Variants in SFMBT2 observed in about 807,000 individuals in gnomAD.
SFMBT2 encodes the protein Scm like with four mbt domains 2.
In SFMBT2, 38 loss-of-function variants were observed where a neutral mutation model predicts 110.1. That is an observed-to-expected ratio of 0.35 (90% CI 0.27 to 0.45). SFMBT2 has a LOEUF of 0.45. Among genes scored for constraint, SFMBT2 ranks in the 20% least tolerant of loss-of-function variants. The pLI is 1.00. For missense variants in SFMBT2, 1,011 were observed against 1,094.9 expected (o/e 0.92, Z 1.08); for synonymous variants, 425 against 425.4 (o/e 1.00, Z 0.01).
At chr10:7,411,065 CTTTTTTTTTTTTTT>C (rs766788794), upstream of SFMBT2, among the ~76,000 whole-genome samples, 3 of 53,890 alleles carry the variant, frequency 5.6e-5, no homozygotes, top group African/African-American at 9.0e-5. Context: ...GCTCGGCGCT[CTTTTTTTTTTTTTT>C]TTTTTTTTTT....
chr10:7,303,331 A>AT (rs1842606015), intron 4 of SFMBT2, among the ~76,000 whole-genome samples: 1 of 152,264 alleles, frequency 6.6e-6, no homozygotes, highest in Non-Finnish European at 1.5e-5. Context: ...ATAGTTGTTT[A>AT]ACAAAACAAA....
At chr10:7,289,821 C>G (rs753576546) in intron 4 of SFMBT2, among the ~76,000 whole-genome samples, 14 of 152,196 alleles carry the variant, frequency 9.2e-5, no homozygotes, top group Admixed American at 2.0e-4. Context: ...ACCTTAACCA[C>G]TGATTAATTC....
chr10:7,215,487 T>C, intron 11 of SFMBT2: 4 of 869,344 alleles, frequency 4.6e-6, no homozygotes, highest in Non-Finnish European at 5.5e-6. Context: ...GATTAATTAA[T>C]GTTGCAATCA....
chr10:7,206,837 A>C (rs140666421), intron 11 of SFMBT2: 1 of 978,682 alleles, frequency 1.0e-6, no homozygotes, highest in African/African-American at 1.7e-5. Flanking sequence ...TGAACCAGGA[A>C]TCAAGAGATC....
chr10:7,365,477 G>A (rs1220122380), intron 4 of SFMBT2, among the ~76,000 whole-genome samples: 2 of 152,216 alleles, frequency 1.3e-5, no homozygotes, highest in Non-Finnish European at 2.9e-5. Flanking sequence ...TAGAGCTGGT[G>A]TACACAGACG....
chr10:7,228,735 CCTTTCT>C (rs1214466239), intron 9 of SFMBT2, among the ~76,000 whole-genome samples: 3 of 36,594 alleles, frequency 8.2e-5, no homozygotes, highest in South Asian at 1.1e-3. Flanking sequence ...TTCTTTCTTT[CCTTTCT>C]CTCTCTCTCT....
chr10:7,266,462 C>A (rs1841395885), intron 7 of SFMBT2, among the ~76,000 whole-genome samples: 1 of 152,158 alleles, frequency 6.6e-6, no homozygotes, highest in African/African-American at 2.4e-5. Flanking sequence ...TGGGGGTGAC[C>A]TTCCAGGCAG....
chr10:7,397,970 T>C (rs1845974050), intron 1 of SFMBT2, among the ~76,000 whole-genome samples: 1 of 152,238 alleles, frequency 6.6e-6, no homozygotes, highest in Non-Finnish European at 1.5e-5. Flanking sequence ...CACCTTGCCA[T>C]CCGCCATATG....
chr10:7,216,535 T>C (rs888869040), intron 11 of SFMBT2, among the ~76,000 whole-genome samples: 1 of 152,222 alleles, frequency 6.6e-6, no homozygotes, highest in African/African-American at 2.4e-5. Context: ...CTTGAGTATG[T>C]CTTCATCAGC....
intron 4 of SFMBT2, among the ~76,000 whole-genome samples, chr10:7,309,380 C>T (rs990342691): frequency 2.0e-5 from 3 of 152,194 alleles, no homozygotes; most frequent in Non-Finnish European, 4.4e-5. Context: ...AGGTCTGCTG[C>T]CTCTCAGTTA....
intron 7 of SFMBT2, among the ~76,000 whole-genome samples, chr10:7,257,338 C>T (rs1190519598): frequency 2.6e-5 from 4 of 152,184 alleles, no homozygotes; most frequent in Non-Finnish European, 5.9e-5. Context: ...CCACCACTTT[C>T]AACATCTGCC....
At position 7,170,604 on chromosome 10, in the gene SFMBT2, G is replaced by A. The variant is rs1006016713; in HGVS notation, c.2544+324C>T. Among the ~76,000 whole-genome samples the A allele has an allele frequency of 6.6e-6, 1 of 152,112 alleles. No individual in the cohort carries two copies. Among genetic ancestry groups the A allele is most frequent in the East Asian group, 1.9e-4 (1 of 5,176 alleles). On this transcript the variant is annotated intron_variant, in intron 20 of 20. Transcript: ENST00000397167. This position sits in a 1 kb window ranked among gnomAD's most constrained non-coding sequence, Gnocchi z 4.6. ...AGAGTCGGTGGAGATGGCAGGGGGA[G>A]CGTGGACTCGCACCCCTCACCTGGC...
rs1345076690 is a variant in SFMBT2, at chr10:7,186,475, A to ATATAT, written c.1808+2148_1808+2149insATATA. 8.0e-3 allele frequency among the ~76,000 whole-genome samples: 1,092 copies of ATATAT among 136,526 alleles called. 31 individuals carry two copies. The highest frequency in any genetic ancestry group is 0.028 in the African/African-American group (943 of 33,856). The allele number at this position is 136,526 out of a possible 152,430, so 89.6% of individuals were successfully genotyped here. Reference sequence around the variant, plus strand: ...ACACACACACATATATATATATATAAAAATATTTTATTTGTTGTAGAGACA... The same window carrying ATATAT: ...ACACACACACATATATATATATATAATATATAAATATTTTATTTGTTGTAGAGACA... On this transcript the variant is annotated intron_variant, in intron 16 of 20. Coordinates refer to ENST00000397167, the MANE Select transcript of SFMBT2 (RefSeq NM_001387889.1).
intron 1 of SFMBT2, among the ~76,000 whole-genome samples, chr10:7,382,977 T>C (rs1845469803): frequency 6.6e-6 from 1 of 152,196 alleles, no homozygotes; most frequent in African/African-American, 2.4e-5. Flanking sequence ...GCTCCGATGC[T>C]CAGACACAGC....
intron 9 of SFMBT2, 66 bp from the exon 10 acceptor site, chr10:7,228,003 T>A: frequency 8.3e-7 from 1 of 1,203,484 alleles, no homozygotes; most frequent in Non-Finnish European, 1.2e-6. Context: ...ATGAGCAAAA[T>A]CAGAAGGGGT....
intron 20 of SFMBT2, among the ~76,000 whole-genome samples, chr10:7,166,778 C>T (rs1837708841): frequency 6.6e-6 from 1 of 152,162 alleles, no homozygotes; most frequent in Admixed American, 6.5e-5. Flanking sequence ...ACTGAAAGAA[C>T]ACAGCTAGTT....
chr10:7,390,478 A>G (rs1021833208), intron 1 of SFMBT2, among the ~76,000 whole-genome samples: 3 of 152,226 alleles, frequency 2.0e-5, no homozygotes, highest in African/African-American at 7.2e-5. Context: ...TTTTATATCA[A>G]TGGAAAATGT....
intron 1 of SFMBT2, among the ~76,000 whole-genome samples, chr10:7,400,611 G>T (rs929470524): frequency 6.6e-6 from 1 of 152,244 alleles, no homozygotes; most frequent in Non-Finnish European, 1.5e-5. Context: ...CCTCCAGGCC[G>T]TCAGGCCTCC....
intron 4 of SFMBT2, among the ~76,000 whole-genome samples, chr10:7,311,025 C>T (rs1588438004): frequency 2.0e-5 from 2 of 101,382 alleles, no homozygotes; most frequent in African/African-American, 7.7e-5. Flanking sequence ...CTAGCCTAGG[C>T]AACAAGAGAA....
Sources: gnomAD v4.1 joint callset for allele counts (sites outside exome capture counted in the v4.1 genomes callset) on GRCh38, gnomAD v4.1.1 for gene constraint, Gnocchi (gnomAD v3.1) non-coding constraint, MANE v1.5 for transcripts, NCBI Gene and HGNC (gene_info 2026-07-23, HGNC 2026-07-21) for gene names.